Variants in CAMTA1 observed in about 807,000 individuals in gnomAD.
The protein encoded by CAMTA1 is calmodulin binding transcription activator 1.
CAMTA1 carries 27 observed loss-of-function variants against 170.9 expected under a neutral mutation model. The ratio of observed to expected loss-of-function variants is 0.16; its 90% CI spans 0.12 to 0.22. The LOEUF is 0.22. Ranked by LOEUF, CAMTA1 falls within the 10% of genes least tolerant of loss-of-function variation. The probability of loss-of-function intolerance (pLI) is 1.00; values close to 1 mark genes in which losing one functional copy is unlikely to be tolerated. For synonymous variants in CAMTA1, 833 were observed against 891.5 expected, an observed-to-expected ratio of 0.93 and a Z score of 1.17; for missense variants, 1,619 against 2,217.2, an observed-to-expected ratio of 0.73 and a Z score of 5.42.
rs1275066231 is a variant in CAMTA1, at chr1:7,434,401, G to A, written c.439-33429G>A. On this transcript the variant is annotated intron_variant, in intron 5 of 22. Transcript: ENST00000303635. ...GTCTGTGTGACATACTCCCCATAGG[G>A]TGGCTAGGCAGTGATGGGTTGGCCA... Among the ~76,000 whole-genome samples the A allele has an allele frequency of 2.0e-5, 3 of 152,182 alleles. No individual in the cohort carries two copies. The East Asian group carries it at 5.8e-4, about 29-fold the overall frequency.
intron 3 of CAMTA1, among the ~76,000 whole-genome samples, chr1:6,898,782 C>T (rs1676213011): frequency 6.6e-6 from 1 of 152,238 alleles, no homozygotes; most frequent in Non-Finnish European, 1.5e-5. Flanking sequence ...ACTGGCCTAA[C>T]TCAGCAGGCC....
chr1:7,203,220 C>G (rs534726431), intron 4 of CAMTA1, among the ~76,000 whole-genome samples: 1 of 152,014 alleles, frequency 6.6e-6, no homozygotes, highest in Non-Finnish European at 1.5e-5. Context: ...GTATGTAATT[C>G]TTTTTACATG....
intron 4 of CAMTA1, among the ~76,000 whole-genome samples, chr1:7,160,828 T>G (rs967571440): frequency 2.0e-5 from 3 of 152,140 alleles, no homozygotes; most frequent in South Asian, 4.2e-4. Context: ...TGACATGCGT[T>G]TCTCTTGGGT....
chr1:7,460,282 C>A (rs1382839554), intron 5 of CAMTA1, among the ~76,000 whole-genome samples: 2 of 152,250 alleles, frequency 1.3e-5, no homozygotes, highest in African/African-American at 4.8e-5. Context: ...AATGTCACTT[C>A]CTCTTAGGTG....
In CAMTA1 at chr1:7,096,652, C is replaced by T. The variant is rs141843821; in HGVS notation, c.302+5281C>T. 4.3e-3 allele frequency among the ~76,000 whole-genome samples: 653 copies of T among 152,298 alleles called. 4 individuals carry two copies. Among genetic ancestry groups the T allele is most frequent in the Non-Finnish European group, 7.0e-3 (477 of 68,024 alleles). ...CCTGCATCTCATTAGCCACCAACTC[C>T]GTCAGTGTTTCCGACTGTAATTCAC... On this transcript the variant is annotated intron_variant, in intron 4 of 22. Transcript: ENST00000303635.
chr1:6,871,643 C>T, intron 3 of CAMTA1: 1 of 819,268 alleles, frequency 1.2e-6, no homozygotes. Flanking sequence ...ATAAAAATGG[C>T]TCTACACGAC....
chr1:7,735,834 C>T lies in CAMTA1; in HGVS notation c.3067-510C>T, dbSNP rs183195887. ...TCACCCAGGCTGGAATGCAGTGGCG[C>T]GATCACAGCTCACTGTAGCCTCAAC... On this transcript the variant is annotated intron_variant, in intron 12 of 22. Transcript: ENST00000303635. 9.9e-4 allele frequency among the ~76,000 whole-genome samples: 151 copies of T among 152,146 alleles called. 3 individuals carry two copies. Among genetic ancestry groups the T allele is most frequent in the Admixed American group, 8.6e-3 (131 of 15,276 alleles).
rs973839618 is a variant in CAMTA1 at position 7,510,439 on chromosome 1, G to A, written c.510+42538G>A. Among the ~76,000 whole-genome samples, 12 of 145,728 alleles carry A rather than the reference G, an allele frequency of 8.2e-5. 3 individuals are homozygous for A. Among genetic ancestry groups the A allele is most frequent in the Non-Finnish European group, 1.7e-4 (11 of 64,984 alleles). On this transcript the variant is annotated intron_variant, in intron 6 of 22. Transcript: ENST00000303635. Reference sequence around the variant, plus strand: ...TGGGGGCTCACCTGTCCCATGGGAAGGAAGGTAGTGCCACCTTCCCACTTG... The same window carrying A: ...TGGGGGCTCACCTGTCCCATGGGAAAGAAGGTAGTGCCACCTTCCCACTTG...
intron 5 of CAMTA1, among the ~76,000 whole-genome samples, chr1:7,304,423 A>C (rs1675272055): frequency 6.6e-6 from 1 of 152,252 alleles, no homozygotes; most frequent in South Asian, 2.1e-4. Flanking sequence ...TTATGTGACT[A>C]TGTAAAATAA....
chr1:7,103,697 TAC>T (rs1643120666), intron 4 of CAMTA1, among the ~76,000 whole-genome samples: 1 of 141,890 alleles, frequency 7.0e-6, no homozygotes, highest in Non-Finnish European at 1.5e-5. Context: ...CAGATACAAC[TAC>T]ACATATGTAT....
intron 3 of CAMTA1, among the ~76,000 whole-genome samples, chr1:6,910,147 A>G (rs1179570815): frequency 6.6e-6 from 1 of 152,234 alleles, no homozygotes; most frequent in East Asian, 1.9e-4. Context: ...TTGACATGCT[A>G]AGGCACTAGT....
intron 3 of CAMTA1, chr1:7,008,423 T>G (rs942068463): frequency 3.3e-5 from 5 of 152,136 alleles, no homozygotes; most frequent in Admixed American, 1.3e-4. Context: ...GGATTCCAGG[T>G]AGGAGAATCC....
chr1:6,879,620 T>C (rs1670902694), intron 3 of CAMTA1, among the ~76,000 whole-genome samples: 1 of 150,548 alleles, frequency 6.6e-6, no homozygotes, highest in African/African-American at 2.4e-5. Flanking sequence ...TTTCTTTTTT[T>C]TTTTTTTTTT....
At chr1:6,929,836 A>G (rs1684065997) in intron 3 of CAMTA1, among the ~76,000 whole-genome samples, 1 of 152,130 alleles carries the variant, frequency 6.6e-6, no homozygotes, top group Non-Finnish European at 1.5e-5. Flanking sequence ...CTTTAGCACT[A>G]TTGAAAACCT....
intron 3 of CAMTA1, among the ~76,000 whole-genome samples, chr1:7,054,446 C>G (rs547174100): frequency 7.7e-4 from 118 of 152,304 alleles, no homozygotes; most frequent in African/African-American, 2.6e-3. Context: ...CTCTATTTTT[C>G]TCTTTCATTT....
At chr1:7,544,243 C>A (rs1280553166) in intron 6 of CAMTA1, among the ~76,000 whole-genome samples, 1 of 152,162 alleles carries the variant, frequency 6.6e-6, no homozygotes, top group Non-Finnish European at 1.5e-5. Context: ...AAGCAGAAAC[C>A]CCTGATAAAC....
rs1412239828 is a variant in CAMTA1 at position 7,443,161 on chromosome 1, A to G, written c.439-24669A>G. 1.3e-5 allele frequency among the ~76,000 whole-genome samples: 2 copies of G among 152,234 alleles called. No homozygotes were observed. The highest frequency in any genetic ancestry group is 2.9e-5 in the Non-Finnish European group (2 of 68,040). On this transcript the variant is annotated intron_variant, in intron 5 of 22. Transcript: ENST00000303635. The surrounding 1 kb of genome is among the most constrained non-coding windows in gnomAD (Gnocchi z 4.1). ...TCAAAGCCCTGGATGACGGCTGCAA[A>G]GCATAAGGCTTCGGGTTCCCAGCTC...
At chr1:7,601,126 T>A (rs1327575923) in intron 6 of CAMTA1, among the ~76,000 whole-genome samples, 1 of 145,742 alleles carries the variant, frequency 6.9e-6, no homozygotes, top group Non-Finnish European at 1.5e-5. Flanking sequence ...CCCCCCCACC[T>A]CCCTCCCGGA....
intron 4 of CAMTA1, among the ~76,000 whole-genome samples, chr1:7,228,379 G>T (rs1239647066): frequency 2.6e-5 from 4 of 152,232 alleles, no homozygotes; most frequent in Non-Finnish European, 4.4e-5. Flanking sequence ...GAGGCGGGCA[G>T]GTTCATGGCA....
Sources: allele counts gnomAD v4.1 joint callset (sites outside exome capture counted in the v4.1 genomes callset), GRCh38; gene constraint gnomAD v4.1.1; non-coding constraint Gnocchi (gnomAD v3.1); transcripts MANE v1.5; gene names NCBI Gene and HGNC (gene_info 2026-07-23, HGNC 2026-07-21).